CTTN: variants seen among roughly 807,000 people sequenced by gnomAD.
The protein encoded by CTTN is cortactin.
A neutral mutation model predicts 84.0 loss-of-function variants in CTTN; 28 were observed. That is an observed-to-expected ratio of 0.33 (90% CI 0.25 to 0.46). The LOEUF is 0.46. Among genes scored for constraint, CTTN ranks in the 20% least tolerant of loss-of-function variants. The pLI is 1.00. For synonymous variants in CTTN, 301 were observed against 288.8 expected (o/e 1.04, Z -0.43); for missense variants, 641 against 723.8 (o/e 0.89, Z 1.31).
At chr11:70,407,918 C>A in intron 4 of CTTN, 1 of 283,096 alleles carries the variant, frequency 3.5e-6, no homozygotes, top group Non-Finnish European at 6.6e-6. Context: ...CTAAGCTCTA[C>A]CTTACAAGCG....
chr11:70,430,470 G>T (rs1266715627), intron 14 of CTTN, among the ~76,000 whole-genome samples: 4 of 152,132 alleles, frequency 2.6e-5, no homozygotes, highest in African/African-American at 9.7e-5. Flanking sequence ...CTCTGCTTTT[G>T]TTGTCACCGC....
chr11:70,416,945 A>C, intron 7 of CTTN, 68 bp from the exon 8 acceptor site: 2 of 1,107,562 alleles, frequency 1.8e-6, no homozygotes, highest in East Asian at 2.4e-5. Flanking sequence ...ACTTTTGCTT[A>C]GTTTAACAAA....
chr11:70,431,422 G>T (rs1807447005), intron 15 of CTTN, 142 bp downstream of exon 15: 2 of 868,254 alleles, frequency 2.3e-6, no homozygotes, highest in Middle Eastern at 3.3e-4. Flanking sequence ...CCCGGAGAGG[G>T]GTGGGCCAGG....
At chr11:70,403,633 A>G (rs1420499492) in intron 1 of CTTN, among the ~76,000 whole-genome samples, 2 of 152,140 alleles carry the variant, frequency 1.3e-5, no homozygotes, top group African/African-American at 4.8e-5. Flanking sequence ...CTAAGAAACT[A>G]TTGCCAAATT....
chr11:70,426,490 C>T (rs551532897), intron 13 of CTTN, among the ~76,000 whole-genome samples: 1 of 152,148 alleles, frequency 6.6e-6, no homozygotes, highest in Admixed American at 6.5e-5. Flanking sequence ...GTCATCCAGG[C>T]AGGACTGCTG....
At chr11:70,409,045 C>T (rs1022531145) in intron 4 of CTTN, among the ~76,000 whole-genome samples, 6 of 152,186 alleles carry the variant, frequency 3.9e-5, no homozygotes, top group Non-Finnish European at 8.8e-5. Flanking sequence ...ATTCTTCATG[C>T]TCTGGGGCCT....
intron 3 of CTTN, 63 bp from the exon 4 acceptor site, chr11:70,407,455 G>A: frequency 6.2e-7 from 1 of 1,612,064 alleles, no homozygotes. Flanking sequence ...TTCTTTGATG[G>A]GGTGGTGGTT....
chr11:70,421,623 G>T, intron 11 of CTTN, 43 bp downstream of exon 11: 1 of 1,405,372 alleles, frequency 7.1e-7, no homozygotes, highest in Admixed American at 1.7e-5. Context: ...CGACCCTCCT[G>T]TGCGGCCACT....
At chr11:70,432,381 G>A (rs2058362809) in intron 15 of CTTN, among the ~76,000 whole-genome samples, 1 of 152,196 alleles carries the variant, frequency 6.6e-6, no homozygotes, top group Non-Finnish European at 1.5e-5. Flanking sequence ...CTGGCTAGCA[G>A]CTCTCCACCA....
At chr11:70,426,050 CT>C (rs948457995) in intron 13 of CTTN, among the ~76,000 whole-genome samples, 5 of 152,168 alleles carry the variant, frequency 3.3e-5, no homozygotes, top group Admixed American at 2.0e-4. Flanking sequence ...CGCTTTGACA[CT>C]TTGACCACTC....
At chr11:70,422,568 A>G (rs781506798) in intron 11 of CTTN, 1 of 1,303,892 alleles carries the variant, frequency 7.7e-7, no homozygotes. Flanking sequence ...GCGCACAGGA[A>G]GCAGATGAGA....
intron 11 of CTTN, chr11:70,422,404 A>G (rs1230607202): frequency 2.2e-6 from 2 of 904,138 alleles, no homozygotes; most frequent in East Asian, 6.2e-5. Context: ...TCTCCGTGGC[A>G]TCACTGCTGC....
intron 13 of CTTN, among the ~76,000 whole-genome samples, 170 bp downstream of exon 13, chr11:70,425,571 T>C (rs2058291661): frequency 6.6e-6 from 1 of 152,242 alleles, no homozygotes; most frequent in Admixed American, 6.5e-5. Context: ...TTGTTTCTCC[T>C]GCAGAGGTTT....
At position 70,427,305 on chromosome 11, in the gene CTTN, C is replaced by T. The variant is rs566329124; in HGVS notation, c.1028-1746C>T. ...CAGAGGTCGCAGTGAGCCTTGATTG[C>T]GCCACTGCACTCCAGCCTGGGCGAC... On this transcript the variant is annotated intron_variant, in intron 13 of 17. Coordinates refer to ENST00000301843, the MANE Select transcript of CTTN (RefSeq NM_005231.4). 3.6e-3 allele frequency among the ~76,000 whole-genome samples: 550 copies of T among 152,164 alleles called. 2 individuals carry two copies. Among genetic ancestry groups the T allele is most frequent in the Middle Eastern group, 6.8e-3 (2 of 292 alleles).
At chr11:70,407,642 C>T (rs745555974) in intron 4 of CTTN, 51 bp downstream of exon 4, 2 of 1,563,916 alleles carry the variant, frequency 1.3e-6, no homozygotes, top group Non-Finnish European at 1.8e-6. Context: ...GGATGGAGCC[C>T]CAGGTGCAAC....
chr11:70,433,610 C>T (rs1485016975), intron 16 of CTTN, 37 bp from the exon 17 acceptor site: 1 of 1,468,588 alleles, frequency 6.8e-7, no homozygotes, highest in Non-Finnish European at 9.5e-7. Flanking sequence ...CTGTGTGGGA[C>T]TTTGTATTGT....
At chr11:70,425,281 A>T in intron 12 of CTTN, 51 bp from the exon 13 acceptor site, 1 of 1,445,860 alleles carries the variant, frequency 6.9e-7, no homozygotes, top group Non-Finnish European at 9.6e-7. Context: ...ACCACAGGGC[A>T]TGGAGAAAAG....
Position 70,421,802 on chromosome 11 carries a change from G to A in CTTN, c.901+222G>A, listed in dbSNP as rs552657839. On this transcript the variant is annotated intron_variant, in intron 11 of 17. Coordinates refer to ENST00000301843, the MANE Select transcript of CTTN (RefSeq NM_005231.4). ...GTGAACTTGTGATCTGTGTATGGCA[G>A]GATGCGCCAGTTAGTGTGTGGGTGC... is the stretch of plus-strand genomic sequence containing the variant. 11 of 519,412 alleles carry A rather than the reference G, an allele frequency of 2.1e-5. 1 individual carries two copies. In the South Asian group the frequency reaches 2.9e-4, roughly 14 times the overall value. 32.2% of individuals were successfully genotyped at this position (519,412 alleles called of 1,614,324 possible). A position where few individuals can be genotyped will look rare whatever the true frequency, so the allele number is the denominator to read the frequency against.
chr11:70,435,852 C>T lies in CTTN; in HGVS notation c.*690C>T, dbSNP rs2058412325. 1.3e-6 allele frequency: 2 copies of T among 1,518,516 alleles called. No homozygotes were observed. The highest frequency in any genetic ancestry group is 2.2e-5 in the Admixed American group (1 of 44,934). 94.1% of individuals were successfully genotyped at this position (1,518,516 alleles called of 1,614,324 possible). A position where few individuals can be genotyped will look rare whatever the true frequency, so the allele number is the denominator to read the frequency against. ...TCACCGGGAGGGCTGCTGGGAGCCT[C>T]TCCTGTCCCCGCCGGGCAGTGTCAC... On this transcript the variant is annotated 3_prime_UTR_variant, in exon 18 of 18. Transcript: ENST00000301843.
Sources: allele counts gnomAD v4.1 joint callset (sites outside exome capture counted in the v4.1 genomes callset), GRCh38; gene constraint gnomAD v4.1.1; transcripts MANE v1.5; gene names NCBI Gene and HGNC (gene_info 2026-07-23, HGNC 2026-07-21).